The following SPTLC3 variants were observed in gnomAD, a reference collection of about 807,000 sequenced individuals.
SPTLC3 encodes serine palmitoyltransferase long chain base subunit 3.
In SPTLC3, 36 loss-of-function variants were observed where a neutral mutation model predicts 59.3. The ratio of observed to expected loss-of-function variants is 0.61; its 90% CI spans 0.47 to 0.80. The LOEUF (loss-of-function observed/expected upper bound fraction) is 0.80, where lower values mean the gene tolerates loss of function less well. SPTLC3 is among the 30% of genes least tolerant of loss of function. The pLI, the probability that SPTLC3 is intolerant of heterozygous loss-of-function variation, is 0.00. For missense variants in SPTLC3, 625 were observed against 685.1 expected (o/e 0.91, Z 0.98); for synonymous variants, 257 against 240.8 (o/e 1.07, Z -0.62).
rs554093218 is a variant in SPTLC3, at chr20:13,135,614, C to T, written c.1279+8897C>T. On this transcript the variant is annotated intron_variant, in intron 9 of 11. Transcript: ENST00000399002. Reference sequence around the variant, plus strand: ...GGCTACTGTGTAGTTTTTAGATCTACGGGCCCACTTATCTGAAGATCTAAA... The same window carrying T: ...GGCTACTGTGTAGTTTTTAGATCTATGGGCCCACTTATCTGAAGATCTAAA... Among the ~76,000 whole-genome samples the T allele has an allele frequency of 1.1e-3, 170 of 152,266 alleles. 2 individuals carry two copies. The highest frequency in any genetic ancestry group is 6.6e-3 in the South Asian group (32 of 4,824).
intron 4 of SPTLC3, among the ~76,000 whole-genome samples, chr20:13,083,855 A>G (rs1292725352): frequency 6.6e-6 from 1 of 152,146 alleles, no homozygotes; most frequent in Non-Finnish European, 1.5e-5. Context: ...ACTGGTCAAC[A>G]CTGTTGGCCC....
At position 13,091,114 on chromosome 20, in the gene SPTLC3, C is replaced by A; in HGVS notation, c.639C>A (p.Asp213Glu). The change falls in exon 5 of 12, where the codon GAC becomes GAA. Residue 213 changes from aspartate (D) to glutamate (E), a missense_variant. Physicochemically the swap from Asp to Glu is conservative, Grantham distance 45. Coordinates refer to ENST00000399002, the MANE Select transcript of SPTLC3 (RefSeq NM_018327.4). ...GTLDKHKELE[D>E]LVAKFLNVEA... ...TGGATAAGCACAAGGAGTTGGAGGACCTTGTGGCTAAGTTCCTGAATGTGG... is the reference window on the plus strand; with the variant it reads ...TGGATAAGCACAAGGAGTTGGAGGAACTTGTGGCTAAGTTCCTGAATGTGG... 6.2e-7 allele frequency: 1 copy of A among 1,613,944 alleles called. No homozygotes were observed. Among genetic ancestry groups the A allele is most frequent in the Admixed American group, 1.7e-5 (1 of 60,006 alleles).
chr20:13,108,290 T>A (rs1042142744), intron 6 of SPTLC3, among the ~76,000 whole-genome samples: 6 of 152,234 alleles, frequency 3.9e-5, no homozygotes, highest in African/African-American at 1.4e-4. Flanking sequence ...TATTCACAAC[T>A]CTATTTCAAA....
At position 13,093,525 on chromosome 20, in the gene SPTLC3, T is replaced by C. The variant is rs1306075051; in HGVS notation, c.774T>C (p.Leu258=). 1 of 1,613,670 alleles carries C rather than the reference T, an allele frequency of 6.2e-7. No homozygotes were observed. Among genetic ancestry groups the C allele is most frequent in the Non-Finnish European group, 8.5e-7 (1 of 1,179,622 alleles). Reference sequence around the variant, plus strand: ...GTGATGAGTTAAACCACACATCGCTTGTGCTTGGGGCCCGACTCTCAGGTG... The same window carrying C: ...GTGATGAGTTAAACCACACATCGCTCGTGCTTGGGGCCCGACTCTCAGGTG... ...ILSDELNHTS[L]VLGARLSGAT... Residue 258 remains leucine, a synonymous_variant, in exon 6 of 12, where the codon CTT becomes CTC. Transcript: ENST00000399002.
intron 1 of SPTLC3, among the ~76,000 whole-genome samples, chr20:13,048,651 A>G (rs766512519): frequency 5.3e-5 from 8 of 152,190 alleles, no homozygotes; most frequent in Admixed American, 2.0e-4. Context: ...TGTGATTAGG[A>G]AGTAAGCTGT....
chr20:13,022,268 C>T (rs974305032), intron 1 of SPTLC3, among the ~76,000 whole-genome samples: 2 of 152,160 alleles, frequency 1.3e-5, no homozygotes, highest in African/African-American at 4.8e-5. Context: ...CTGACCACTT[C>T]TCACCTTTCC....
intron 2 of SPTLC3, among the ~76,000 whole-genome samples, chr20:13,061,436 C>T (rs1018845592): frequency 6.6e-6 from 1 of 152,202 alleles, no homozygotes; most frequent in African/African-American, 2.4e-5. Context: ...TATACTTGGC[C>T]TTCCACCTGC....
chr20:13,149,598 C>T (rs2032386662), intron 9 of SPTLC3, among the ~76,000 whole-genome samples: 1 of 152,216 alleles, frequency 6.6e-6, no homozygotes, highest in African/African-American at 2.4e-5. Context: ...TATGAGAAAG[C>T]GTGGCAACCA....
At position 13,010,511 on chromosome 20, in the gene SPTLC3, T is replaced by C. The variant is rs889124759; in HGVS notation, c.117+1127T>C. On this transcript the variant is annotated intron_variant, in intron 1 of 11. Transcript: ENST00000399002. ...GCTGTGGTCCCCAAAAGCATTCCCC[T>C]CTTAACAAAAGGCACTGTCCAACGC... Among the ~76,000 whole-genome samples the C allele has an allele frequency of 2.6e-5, 4 of 152,228 alleles. No homozygotes were observed. The East Asian group carries it at 7.7e-4, about 29-fold the overall frequency.
At chr20:13,073,939 G>A (rs1988542531) in intron 3 of SPTLC3, 2 of 584,768 alleles carry the variant, frequency 3.4e-6, no homozygotes, top group East Asian at 8.7e-5. Flanking sequence ...CATCCAGGGA[G>A]GTGTGGCACC....
chr20:13,063,327 T>C (rs1048483111), intron 2 of SPTLC3, among the ~76,000 whole-genome samples: 1 of 152,228 alleles, frequency 6.6e-6, no homozygotes, highest in Admixed American at 6.5e-5. Context: ...AATTTTTCCA[T>C]TAAATGTGTT....
Position 13,141,067 on chromosome 20 carries a change from G to A in SPTLC3, c.1280-12936G>A, listed in dbSNP as rs182726496. ...AGTTTGATAGGTTTAAAAAAAACAG[G>A]GACTAAGTGGGAAGATTTAGGGCAT... On this transcript the variant is annotated intron_variant, in intron 9 of 11. Transcript: ENST00000399002. 1.2e-3 allele frequency among the ~76,000 whole-genome samples: 181 copies of A among 152,246 alleles called. 2 individuals are homozygous for A. The highest frequency in any genetic ancestry group is 0.012 in the Admixed American group (181 of 15,298).
In SPTLC3 at chr20:13,040,365, T is replaced by C. The variant is rs6105025; in HGVS notation, c.118-8580T>C. Among the ~76,000 whole-genome samples the C allele has an allele frequency of 5.8e-3, 876 of 151,368 alleles. 11 individuals are homozygous for C. Among genetic ancestry groups the C allele is most frequent in the African/African-American group, 0.02 (838 of 41,280 alleles). ...AGGGAAGGGAAGAAACGTGTATTTA[T>C]ACTTTTTTTTTTTTGACGGAGTCTT... On this transcript the variant is annotated intron_variant, in intron 1 of 11. Transcript: ENST00000399002.
intron 2 of SPTLC3, among the ~76,000 whole-genome samples, chr20:13,065,160 TATTA>T (rs1409093760): frequency 6.6e-6 from 1 of 152,012 alleles, no homozygotes. Flanking sequence ...ACAATAAACT[TATTA>T]ATTGTCATAT....
At chr20:13,107,133 C>T (rs187108055) in intron 6 of SPTLC3, among the ~76,000 whole-genome samples, 3 of 152,198 alleles carry the variant, frequency 2.0e-5, no homozygotes, top group Admixed American at 2.0e-4. Context: ...GTTCCAGACC[C>T]CAGGGATACT....
At chr20:13,036,460 C>T (rs912168724) in intron 1 of SPTLC3, among the ~76,000 whole-genome samples, 1 of 152,016 alleles carries the variant, frequency 6.6e-6, no homozygotes, top group Admixed American at 6.6e-5. Context: ...TGTCCTCTCC[C>T]TTATGATTTT....
intron 1 of SPTLC3, among the ~76,000 whole-genome samples, chr20:13,021,099 G>A (rs1462972105): frequency 6.6e-6 from 1 of 152,198 alleles, no homozygotes; most frequent in Middle Eastern, 3.4e-3. Flanking sequence ...TACTTGACCT[G>A]TCTGCAGCAT....
intron 2 of SPTLC3, among the ~76,000 whole-genome samples, chr20:13,054,403 A>AG (rs1404465595): frequency 6.6e-6 from 1 of 152,218 alleles, no homozygotes; most frequent in Non-Finnish European, 1.5e-5. Context: ...GCAGAAAGAC[A>AG]ACAGAGAGAT....
At chr20:13,036,179 A>C (rs1986726786) in intron 1 of SPTLC3, among the ~76,000 whole-genome samples, 1 of 152,212 alleles carries the variant, frequency 6.6e-6, no homozygotes, top group Non-Finnish European at 1.5e-5. Context: ...CTAAAAGTGC[A>C]TAATCTATAC....
Sources: gnomAD v4.1 joint callset for allele counts (sites outside exome capture counted in the v4.1 genomes callset) on GRCh38, gnomAD v4.1.1 for gene constraint, MANE v1.5 for transcripts, NCBI Gene and HGNC (gene_info 2026-07-23, HGNC 2026-07-21) for gene names.